The following EYA2 variants were observed in gnomAD, a reference collection of about 807,000 sequenced individuals.
EYA2 encodes EYA transcriptional coactivator and phosphatase 2, also known as protein phosphatase EYA2.
EYA2 carries 31 observed loss-of-function variants against 69.2 expected under a neutral mutation model. The ratio of observed to expected loss-of-function variants is 0.45; its 90% CI spans 0.34 to 0.60. The LOEUF (loss-of-function observed/expected upper bound fraction) is 0.60, where lower values mean the gene tolerates loss of function less well. EYA2 is among the 20% of genes least tolerant of loss of function. The pLI, the probability that EYA2 is intolerant of heterozygous loss-of-function variation, is 0.02. For missense variants in EYA2, 622 were observed against 701.2 expected (o/e 0.89, Z 1.28); for synonymous variants, 257 against 279.4 (o/e 0.92, Z 0.80).
intron 1 of EYA2, among the ~76,000 whole-genome samples, chr20:46,925,819 T>C (rs1346200866): frequency 6.6e-6 from 1 of 152,244 alleles, no homozygotes; most frequent in African/African-American, 2.4e-5. Context: ...CCTAGGAATT[T>C]ACTGCAATTG....
Position 46,938,912 on chromosome 20 carries a change from A to G in EYA2, c.-11+43925A>G, listed in dbSNP as rs1400848794. Among the ~76,000 whole-genome samples the G allele has an allele frequency of 3.3e-5, 5 of 152,182 alleles. 1 individual carries two copies. Among genetic ancestry groups the G allele is most frequent in the East Asian group, 3.8e-4 (2 of 5,198 alleles). On this transcript the variant is annotated intron_variant, in intron 1 of 15. Transcript: ENST00000327619. ...CATTCTCCTACAAAACAACCGTACTATGACCACACATTAATACTGTACTAC... is the reference window on the plus strand; with the variant it reads ...CATTCTCCTACAAAACAACCGTACTGTGACCACACATTAATACTGTACTAC...
chr20:46,977,883 G>C (rs2146308229), intron 1 of EYA2, among the ~76,000 whole-genome samples: 1 of 152,280 alleles, frequency 6.6e-6, no homozygotes, highest in East Asian at 1.9e-4. Context: ...CTTCCTTGTG[G>C]CTTGTGGAGT....
At position 47,036,461 on chromosome 20, in the gene EYA2, C is replaced by T. The variant is rs945773609; in HGVS notation, c.415+20164C>T. On this transcript the variant is annotated intron_variant, in intron 5 of 15. Transcript: ENST00000327619. ...AGCCCAGGGTTCTGGTGCACACGGGCATTATGGTCCTGCCGTGGCAGGGCT... is the reference window on the plus strand; with the variant it reads ...AGCCCAGGGTTCTGGTGCACACGGGTATTATGGTCCTGCCGTGGCAGGGCT... Among the ~76,000 whole-genome samples the T allele has an allele frequency of 2.0e-5, 3 of 152,092 alleles. 1 individual carries two copies. The highest frequency in any genetic ancestry group is 2.9e-5 in the Non-Finnish European group (2 of 68,022).
chr20:46,953,550 T>C (rs545259598), intron 1 of EYA2, among the ~76,000 whole-genome samples: 1 of 152,262 alleles, frequency 6.6e-6, no homozygotes, highest in African/African-American at 2.4e-5. Flanking sequence ...ACATCAGCGG[T>C]ATGGACAGAT....
chr20:47,121,054 G>C (rs549991383), intron 9 of EYA2, among the ~76,000 whole-genome samples: 1 of 151,978 alleles, frequency 6.6e-6, no homozygotes, highest in East Asian at 1.9e-4. Context: ...TTTCTGGGAG[G>C]CTTTTAATTA....
At chr20:47,162,411 C>T (rs1257991274) in intron 10 of EYA2, among the ~76,000 whole-genome samples, 4 of 152,048 alleles carry the variant, frequency 2.6e-5, no homozygotes, top group African/African-American at 9.7e-5. Flanking sequence ...TAGTTTCTAT[C>T]CCTAGTCCAA....
At chr20:47,027,316 C>T (rs530808200) in intron 5 of EYA2, among the ~76,000 whole-genome samples, 1 of 152,384 alleles carries the variant, frequency 6.6e-6, no homozygotes, top group Admixed American at 6.5e-5. Flanking sequence ...TCGGTCAAGA[C>T]AGGAGCCAGT....
At chr20:47,000,457 G>A (rs1238450158) in intron 2 of EYA2, among the ~76,000 whole-genome samples, 1 of 152,202 alleles carries the variant, frequency 6.6e-6, no homozygotes, top group Admixed American at 6.5e-5. Context: ...CTTAGGTTGT[G>A]ATGATGACGC....
intron 1 of EYA2, among the ~76,000 whole-genome samples, chr20:46,941,471 A>G (rs1490236801): frequency 6.6e-6 from 1 of 152,220 alleles, no homozygotes; most frequent in African/African-American, 2.4e-5. Context: ...CATGATATCC[A>G]TCTGACAGGG....
At chr20:46,907,378 A>G (rs139134921) in intron 1 of EYA2, among the ~76,000 whole-genome samples, 125 of 152,340 alleles carry the variant, frequency 8.2e-4, no homozygotes, top group African/African-American at 2.4e-3. Flanking sequence ...GGCAGCCTAC[A>G]AGCCATTGAT....
intron 3 of EYA2, 124 bp from the exon 4 acceptor site, chr20:47,004,818 T>C (rs1444550721): frequency 1.6e-6 from 2 of 1,270,164 alleles, no homozygotes; most frequent in Non-Finnish European, 2.3e-6. Context: ...TTGGTGAACA[T>C]GTATGTTGTC....
chr20:47,107,538 A>AG (rs1362559503), intron 9 of EYA2, among the ~76,000 whole-genome samples: 91 of 149,004 alleles, frequency 6.1e-4, no homozygotes, highest in African/African-American at 1.7e-3. Context: ...AAAAAAAAAA[A>AG]AAAGAAAGAA....
intron 2 of EYA2, among the ~76,000 whole-genome samples, chr20:46,996,107 G>A (rs1982001570): frequency 6.6e-6 from 1 of 152,214 alleles, no homozygotes; most frequent in African/African-American, 2.4e-5. Context: ...GTAGGTGCAT[G>A]ATAAACACTT....
chr20:47,150,379 TTC>T (rs2033799442), intron 10 of EYA2, among the ~76,000 whole-genome samples: 1 of 152,140 alleles, frequency 6.6e-6, no homozygotes, highest in African/African-American at 2.4e-5. Context: ...ACAGATCTGT[TTC>T]TCTCTCATGA....
In EYA2 at chr20:47,001,310, A is replaced by G. The variant is rs1015840651; in HGVS notation, c.110-118A>G. 3.6e-6 allele frequency: 3 copies of G among 843,290 alleles called. No homozygotes were observed. The Admixed American group carries it at 5.3e-5, about 15-fold the overall frequency. 52.2% of individuals were successfully genotyped at this position (843,290 alleles called of 1,614,324 possible). On this transcript the variant is annotated intron_variant, in intron 2 of 15. Coordinates refer to ENST00000327619, the MANE Select transcript of EYA2 (RefSeq NM_005244.5). ...TCAGATAAGCATCTGTGGTGGAGAA[A>G]GCCGCGGGCAGCACCCCTCCAAGTC...
chr20:47,143,113 C>T lies in EYA2; in HGVS notation c.943C>T (p.Leu315Phe). The T allele has an allele frequency of 6.2e-7, 1 of 1,613,780 alleles. No homozygotes were observed. Among genetic ancestry groups the T allele is most frequent in the Admixed American group, 1.7e-5 (1 of 59,958 alleles). Reference protein sequence around the residue: ...GLMMEEMIFNLADTHLFFNDL... With the variant: ...GLMMEEMIFNFADTHLFFNDL... ...TATGATGGAAGAGATGATCTTCAAC[C>T]TTGCAGATACACATCTGTTCTTCAA... is the stretch of plus-strand genomic sequence containing the variant. The change falls in exon 10 of 16, where the codon CTT becomes TTT. Residue 315 changes from leucine to phenylalanine, a missense_variant. Leu to Phe is a conservative substitution (Grantham distance 22). This residue lies in a region of EYA2 where 257 missense variants were observed against 351.5 expected (regional missense o/e 0.73). Coordinates refer to ENST00000327619, the MANE Select transcript of EYA2 (RefSeq NM_005244.5).
chr20:47,002,939 T>C (rs530304738), intron 3 of EYA2, among the ~76,000 whole-genome samples: 4 of 152,346 alleles, frequency 2.6e-5, no homozygotes, highest in African/African-American at 7.2e-5. Flanking sequence ...GACATCTGTT[T>C]ATAATTCCAT....
chr20:47,021,500 A>G (rs6018235), intron 5 of EYA2, among the ~76,000 whole-genome samples: 99,160 of 151,580 alleles, frequency 0.65, 32,639 homozygotes, highest in East Asian at 0.81. Flanking sequence ...GGTGGCACAC[A>G]CCTGCAATTC....
At chr20:47,109,005 C>T (rs1424763540) in intron 9 of EYA2, among the ~76,000 whole-genome samples, 5 of 152,088 alleles carry the variant, frequency 3.3e-5, no homozygotes, top group African/African-American at 1.2e-4. Flanking sequence ...CCGTTCTCTC[C>T]ACCCAGGGAG....
Sources: gnomAD v4.1 joint callset for allele counts (sites outside exome capture counted in the v4.1 genomes callset) on GRCh38, gnomAD v4.1.1 for gene constraint, gnomAD v4.1.1 regional missense constraint, MANE v1.5 for transcripts, NCBI Gene and HGNC (gene_info 2026-07-23, HGNC 2026-07-21) for gene names.